GUCY2C: variants seen among roughly 807,000 people sequenced by gnomAD.
The protein encoded by GUCY2C is guanylate cyclase 2C, also known as guanylyl cyclase C.
In GUCY2C, 118 loss-of-function variants were observed where a neutral mutation model predicts 131.1. That is an observed-to-expected ratio of 0.90 (90% CI 0.78 to 1.05). The LOEUF (loss-of-function observed/expected upper bound fraction) is 1.05. Ranked by LOEUF, GUCY2C falls within the 50% of genes least tolerant of loss-of-function variation. The pLI is 0.00. For missense variants in GUCY2C, 1,161 were observed against 1,304.4 expected (o/e 0.89, Z 1.69); for synonymous variants, 452 against 457.8 (o/e 0.99, Z 0.16).
In GUCY2C at chr12:14,614,883, G is replaced by C; in HGVS notation, c.3031C>G (p.Pro1011Ala). 7 of 1,586,574 alleles carry C rather than the reference G, an allele frequency of 4.4e-6. No individual in the cohort carries two copies. Among genetic ancestry groups the C allele is most frequent in the Non-Finnish European group, 6.0e-6 (7 of 1,167,812 alleles). The stretch of plus-strand genomic sequence containing the variant: ...GAAGCTTACACAGTAGGAGGGGTTG[G>C]CAGGTTGAATTTCTGGTCCTTCATC... ...TGMKDQKFNL[P>A]TPPTVENQQR... The change falls in exon 26 of 27, where the codon CCA (proline) becomes GCA (alanine). Residue 1011 changes from proline (P) to alanine (A), a missense_variant. Transcript: ENST00000261170.
At chr12:14,622,831 A>G (rs1232169958) in intron 21 of GUCY2C, among the ~76,000 whole-genome samples, 2 of 152,242 alleles carry the variant, frequency 1.3e-5, no homozygotes, top group African/African-American at 4.8e-5. Context: ...TAGAAGTCAA[A>G]TTAAAGCAAC....
At chr12:14,642,260 A>G (rs1022616872) in intron 17 of GUCY2C, among the ~76,000 whole-genome samples, 1 of 152,150 alleles carries the variant, frequency 6.6e-6, no homozygotes, top group African/African-American at 2.4e-5. Flanking sequence ...CATGAGTGCA[A>G]TGCTGTATTT....
At position 14,625,894 on chromosome 12, in the gene GUCY2C, A is replaced by T. The variant is rs1565607136; in HGVS notation, c.2271T>A (p.Asn757Lys). The change falls in exon 21 of 27, where the codon AAT (asparagine) becomes AAA (lysine). Residue 757 changes from asparagine to lysine, a missense_variant. Physicochemically the swap from Asn to Lys is moderately conservative, Grantham distance 94. Transcript: ENST00000261170. The part of the protein sequence containing the change: ...KIFGLFHDQK[N>K]ESYMDTLIRR... The stretch of plus-strand genomic sequence containing the variant: ...GGATCAAGGTATCCATATAGCTTTC[A>T]TTTTTTTGGTCATGAAAAAGTCTGT... 1 of 1,613,094 alleles carries T rather than the reference A, an allele frequency of 6.2e-7. No individual in the cohort carries two copies.
In GUCY2C at chr12:14,643,707, C is replaced by T. The variant is rs747387804; in HGVS notation, c.1798-1G>A. ...TACTGGAGTGCAGATATGACATTCC[C>T]TGTAATTTTTTAGATGATAGAAAAA... is the stretch of plus-strand genomic sequence containing the variant. On this transcript the variant is annotated splice_acceptor_variant, in intron 16 of 26. Transcript: ENST00000261170. LOFTEE classifies it high-confidence loss of function. 4.3e-6 allele frequency: 7 copies of T among 1,609,872 alleles called. No individual in the cohort carries two copies. The highest frequency in any genetic ancestry group is 5.9e-6 in the Non-Finnish European group (7 of 1,178,228).
At chr12:14,652,886 G>A (rs1592115086) in intron 13 of GUCY2C, 66 bp downstream of exon 13, 1 of 999,920 alleles carries the variant, frequency 1.0e-6, no homozygotes, top group African/African-American at 1.6e-5. Flanking sequence ...AGGGGCCAGG[G>A]CAATGAGGGG....
At chr12:14,614,774 A>C (rs765325425) in intron 26 of GUCY2C, 93 bp downstream of exon 26, 29 of 716,078 alleles carry the variant, frequency 4.0e-5, no homozygotes, top group Non-Finnish European at 6.2e-5. Flanking sequence ...AATATATGCC[A>C]CTTGTAAGGC....
chr12:14,693,403 C>G (rs1254418259), intron 1 of GUCY2C, among the ~76,000 whole-genome samples: 1 of 152,130 alleles, frequency 6.6e-6, no homozygotes, highest in Non-Finnish European at 1.5e-5. Flanking sequence ...GAAGGAATCT[C>G]TTTTTTTCAT....
intron 24 of GUCY2C, among the ~76,000 whole-genome samples, chr12:14,616,969 C>G (rs1946776381): frequency 6.6e-6 from 1 of 152,130 alleles, no homozygotes; most frequent in Non-Finnish European, 1.5e-5. Context: ...GAGTCCTGGC[C>G]CCCGACCAGG....
Position 14,613,397 on chromosome 12 carries a change from C to G in GUCY2C, c.3048-106G>C. Reference sequence around the variant, plus strand: ...AGTTAGTCAGTTACTCTTTGAATGCCTATTCTGTGCTAGACACAGGAAATC... The same window carrying G: ...AGTTAGTCAGTTACTCTTTGAATGCGTATTCTGTGCTAGACACAGGAAATC... On this transcript the variant is annotated intron_variant, in intron 26 of 26. Transcript: ENST00000261170. The surrounding 1 kb of genome is among the most constrained non-coding windows in gnomAD (Gnocchi z 4.9). The G allele has an allele frequency of 1.2e-6, 1 of 810,978 alleles. No individual in the cohort carries two copies. The highest frequency in any genetic ancestry group is 1.5e-5 in the South Asian group (1 of 66,556). The allele number at this position is 810,978 out of a possible 1,614,324, so 50.2% of individuals were successfully genotyped here.
At position 14,696,486 on chromosome 12, in the gene GUCY2C, C is replaced by T; in HGVS notation, c.-38G>A. 1 of 1,526,750 alleles carries T rather than the reference C, an allele frequency of 6.5e-7. No individual in the cohort carries two copies. The highest frequency in any genetic ancestry group is 9.1e-7 in the Non-Finnish European group (1 of 1,103,972). 94.6% of individuals were successfully genotyped at this position (1,526,750 alleles called of 1,614,324 possible). A position where few individuals can be genotyped will look rare whatever the true frequency, so the allele number is the denominator to read the frequency against. On this transcript the variant is annotated 5_prime_UTR_variant, in exon 1 of 27. It adds an upstream start codon to the 5' untranslated region. Transcript: ENST00000261170. The stretch of plus-strand genomic sequence containing the variant: ...GTTAGAACCATACTCCTTGTGCCCA[C>T]TTGCTTTGCTCTGTTGGGCTCCTAG...
At chr12:14,633,956 G>T (rs1947207143) in intron 19 of GUCY2C, among the ~76,000 whole-genome samples, 1 of 152,110 alleles carries the variant, frequency 6.6e-6, no homozygotes, top group African/African-American at 2.4e-5. Context: ...TGTCCCAAAA[G>T]GCGAAGAGAA....
intron 7 of GUCY2C, 151 bp from the exon 8 acceptor site, chr12:14,674,911 G>C (rs985416031): frequency 2.3e-5 from 15 of 640,698 alleles, no homozygotes; most frequent in Non-Finnish European, 4.0e-5. Context: ...GAGACTTTTA[G>C]AAAACTCTTC....
intron 6 of GUCY2C, among the ~76,000 whole-genome samples, chr12:14,679,214 G>A (rs907587978): frequency 2.0e-5 from 3 of 152,122 alleles, no homozygotes; most frequent in African/African-American, 4.8e-5. Context: ...GATCAGGATC[G>A]TATGTTTTTC....
intron 1 of GUCY2C, among the ~76,000 whole-genome samples, chr12:14,689,154 A>G (rs1477289482): frequency 6.6e-6 from 1 of 152,216 alleles, no homozygotes; most frequent in Non-Finnish European, 1.5e-5. Context: ...GTTAGATTGG[A>G]CTACAGTAGT....
chr12:14,614,848 GC>G lies in GUCY2C; in HGVS notation c.3047+18del. On this transcript the variant is annotated intron_variant, in intron 26 of 26. Coordinates refer to ENST00000261170, the MANE Select transcript of GUCY2C (RefSeq NM_004963.4). ...GATCTCTAATTTCCTCCCTGTCCCT[GC>G]CACACCCAGAAGCTTACACAGTAGG... 6.6e-7 allele frequency: 1 copy of G among 1,513,962 alleles called. No homozygotes were observed. Among genetic ancestry groups the G allele is most frequent in the Non-Finnish European group, 9.0e-7 (1 of 1,113,132 alleles). 93.8% of individuals were successfully genotyped at this position (1,513,962 alleles called of 1,614,324 possible). A position where few individuals can be genotyped will look rare whatever the true frequency, so the allele number is the denominator to read the frequency against.
At position 14,669,693 on chromosome 12, in the gene GUCY2C, G is replaced by A. The variant is rs766696866; in HGVS notation, c.1282+29C>T. 2 of 1,081,076 alleles carry A rather than the reference G, an allele frequency of 1.9e-6. 1 individual carries two copies. Among genetic ancestry groups the A allele is most frequent in the South Asian group, 2.7e-5 (2 of 74,922 alleles). The allele number at this position is 1,081,076 out of a possible 1,614,324, so 67.0% of individuals were successfully genotyped here. A position where few individuals can be genotyped will look rare whatever the true frequency, so the allele number is the denominator to read the frequency against. ...TTTCTTACCAGGAAAACAGTGTCAGGGAGAGAAAATTCATTAGGGATATCT... is the reference window on the plus strand; with the variant it reads ...TTTCTTACCAGGAAAACAGTGTCAGAGAGAGAAAATTCATTAGGGATATCT... On this transcript the variant is annotated intron_variant, in intron 10 of 26. Transcript: ENST00000261170.
intron 24 of GUCY2C, among the ~76,000 whole-genome samples, chr12:14,617,260 C>T (rs1291478527): frequency 1.3e-5 from 2 of 152,156 alleles, no homozygotes; most frequent in Admixed American, 1.3e-4. Context: ...AACCCAGTCT[C>T]AGGTTTTTCT....
At chr12:14,616,555 T>G in intron 25 of GUCY2C, 78 bp downstream of exon 25, 1 of 820,872 alleles carries the variant, frequency 1.2e-6, no homozygotes, top group East Asian at 2.4e-5. Context: ...TGCTCAACTT[T>G]CCTGGCCAAG....
chr12:14,628,510 T>C (rs1947069969), intron 20 of GUCY2C, 136 bp downstream of exon 20: 2 of 618,720 alleles, frequency 3.2e-6, no homozygotes, highest in African/African-American at 1.8e-5. Context: ...ATTTTAATGT[T>C]ATGAGGCAGT....
Sources: allele counts gnomAD v4.1 joint callset (sites outside exome capture counted in the v4.1 genomes callset), GRCh38; gene constraint gnomAD v4.1.1; non-coding constraint Gnocchi (gnomAD v3.1); transcripts MANE v1.5; gene names NCBI Gene and HGNC (gene_info 2026-07-23, HGNC 2026-07-21).